Variants in ARHGAP42 observed in about 807,000 individuals in gnomAD.
ARHGAP42 encodes the protein rho GTPase-activating protein 42.
A neutral mutation model predicts 125.0 loss-of-function variants in ARHGAP42; 63 were observed. That is an observed-to-expected ratio of 0.50 (90% CI 0.41 to 0.62). The LOEUF is 0.62. ARHGAP42 is among the 20% of genes least tolerant of loss of function. The probability of loss-of-function intolerance (pLI) is 0.00; values close to 1 mark genes in which losing one functional copy is unlikely to be tolerated. For synonymous variants in ARHGAP42, 339 were observed against 351.0 expected (o/e 0.97, Z 0.38); for missense variants, 766 against 1,024.2 (o/e 0.75, Z 3.44).
intron 6 of ARHGAP42, among the ~76,000 whole-genome samples, chr11:100,923,680 G>A (rs1273959366): frequency 2.0e-5 from 3 of 152,042 alleles, no homozygotes; most frequent in Non-Finnish European, 2.9e-5. Context: ...TACCTTATCC[G>A]AAGCTATGAT....
intron 3 of ARHGAP42, among the ~76,000 whole-genome samples, chr11:100,818,380 A>G (rs554958332): frequency 8.5e-5 from 13 of 152,188 alleles, no homozygotes; most frequent in Non-Finnish European, 1.6e-4. Flanking sequence ...AACGTCAGTG[A>G]TGTAGGATGT....
chr11:100,917,410 CG>C (rs1389965941), intron 5 of ARHGAP42, among the ~76,000 whole-genome samples: 1 of 152,012 alleles, frequency 6.6e-6, no homozygotes, highest in African/African-American at 2.4e-5. Flanking sequence ...TTTGTTGTGC[CG>C]GACTGTCTTT....
intron 3 of ARHGAP42, chr11:100,859,352 T>A: frequency 4.6e-6 from 2 of 435,070 alleles, no homozygotes; most frequent in Non-Finnish European, 8.1e-6. Context: ...TTTTTCACAT[T>A]GTTGTTAGGA....
At chr11:100,987,900 C>T (rs1893256) in intron 23 of ARHGAP42, among the ~76,000 whole-genome samples, 35,663 of 152,016 alleles carry the variant, frequency 0.23, 4,713 homozygotes, top group Middle Eastern at 0.36. Context: ...GAGGCCAAGG[C>T]GGGCGGATCA....
intron 1 of ARHGAP42, among the ~76,000 whole-genome samples, chr11:100,758,725 A>G (rs75488532): frequency 0.014 from 2,089 of 152,306 alleles, 61 homozygotes; most frequent in African/African-American, 0.047. Flanking sequence ...CTCTACATGC[A>G]TGATTTCATT....
At chr11:100,874,935 ACT>A (rs1865775386) in intron 4 of ARHGAP42, among the ~76,000 whole-genome samples, 2 of 151,978 alleles carry the variant, frequency 1.3e-5, no homozygotes, top group South Asian at 2.1e-4. Context: ...GACTCAGATG[ACT>A]CTGTTCTCTT....
chr11:100,868,577 G>A (rs1865629113), intron 4 of ARHGAP42, among the ~76,000 whole-genome samples: 1 of 152,168 alleles, frequency 6.6e-6, no homozygotes, highest in Admixed American at 6.5e-5. Flanking sequence ...ACAGAAATGA[G>A]ATAAAACATA....
At chr11:100,715,866 T>C (rs1861651661) in intron 1 of ARHGAP42, among the ~76,000 whole-genome samples, 4 of 152,180 alleles carry the variant, frequency 2.6e-5, no homozygotes, top group Admixed American at 2.6e-4. Context: ...CGAAACATAA[T>C]ACAGATATGT....
chr11:100,942,520 A>C (rs190209956), intron 9 of ARHGAP42, among the ~76,000 whole-genome samples: 1 of 152,278 alleles, frequency 6.6e-6, no homozygotes, highest in East Asian at 1.9e-4. Context: ...GAATATGGCA[A>C]ATGATTGAAC....
chr11:100,856,542 A>G (rs1865326631), intron 3 of ARHGAP42, among the ~76,000 whole-genome samples: 1 of 152,096 alleles, frequency 6.6e-6, no homozygotes, highest in Non-Finnish European at 1.5e-5. Flanking sequence ...ATTTAAATTT[A>G]CATATTGTGA....
intron 3 of ARHGAP42, among the ~76,000 whole-genome samples, chr11:100,841,848 C>T (rs913897604): frequency 6.6e-6 from 1 of 152,130 alleles, no homozygotes; most frequent in Non-Finnish European, 1.5e-5. Context: ...TAATTCAGTG[C>T]CCCCTACTGC....
At chr11:100,937,009 G>A (rs1242081148) in intron 8 of ARHGAP42, among the ~76,000 whole-genome samples, 3 of 152,238 alleles carry the variant, frequency 2.0e-5, no homozygotes, top group Non-Finnish European at 2.9e-5. Context: ...TTTTGGTGAA[G>A]AAACAGTTGT....
At chr11:100,918,140 AT>A (rs5794079) in intron 5 of ARHGAP42, among the ~76,000 whole-genome samples, 119,519 of 151,924 alleles carry the variant, frequency 0.79, 47,463 homozygotes, top group East Asian at 1. Context: ...CACTCATTTT[AT>A]TTTTTTCTGC....
intron 3 of ARHGAP42, among the ~76,000 whole-genome samples, chr11:100,811,744 C>T (rs1864149442): frequency 6.6e-6 from 1 of 152,046 alleles, no homozygotes; most frequent in African/African-American, 2.4e-5. Context: ...AAGTGATCCG[C>T]CTGCCTCGGC....
At chr11:100,745,505 G>A (rs1394350526) in intron 1 of ARHGAP42, among the ~76,000 whole-genome samples, 1 of 152,186 alleles carries the variant, frequency 6.6e-6, no homozygotes, top group Non-Finnish European at 1.5e-5. Flanking sequence ...AGTAAGAATT[G>A]AGGCTGTTAT....
intron 3 of ARHGAP42, among the ~76,000 whole-genome samples, chr11:100,849,297 GC>G (rs1317529236): frequency 5.3e-5 from 8 of 152,092 alleles, no homozygotes; most frequent in Non-Finnish European, 1.2e-4. Context: ...GGTAAGAAAG[GC>G]TTTTGACAGC....
In ARHGAP42 at chr11:100,985,271, G is replaced by T. The variant is rs190652533; in HGVS notation, c.2457-2242G>T. On this transcript the variant is annotated intron_variant, in intron 22 of 23. Transcript: ENST00000298815. The stretch of plus-strand genomic sequence containing the variant: ...CAACTTCGGAGATTGTTTCCTTATC[G>T]ATCTCTTTATAATTTGTCTTAATGG... Among the ~76,000 whole-genome samples the T allele has an allele frequency of 6.6e-5, 10 of 152,112 alleles. No homozygotes were observed. The East Asian group carries it at 1.9e-3, about 29-fold the overall frequency.
At chr11:100,865,581 G>A (rs1865549692) in intron 4 of ARHGAP42, among the ~76,000 whole-genome samples, 1 of 152,116 alleles carries the variant, frequency 6.6e-6, no homozygotes, top group African/African-American at 2.4e-5. Context: ...AGCTTCCTTG[G>A]AGATAGATTT....
Position 100,989,842 on chromosome 11 carries a change from T to C in ARHGAP42, c.*1041T>C, listed in dbSNP as rs1858785899. Reference sequence around the variant, plus strand: ...TGTTTAAAAACGTTACAAGGGAAGCTATGCCTTCTGAAGTCTATCCTTAGT... The same window carrying C: ...TGTTTAAAAACGTTACAAGGGAAGCCATGCCTTCTGAAGTCTATCCTTAGT... On this transcript the variant is annotated 3_prime_UTR_variant, in exon 24 of 24. Coordinates refer to ENST00000298815, the MANE Select transcript of ARHGAP42 (RefSeq NM_152432.4). 1 of 152,202 alleles carries C rather than the reference T, an allele frequency of 6.6e-6. No individual in the cohort carries two copies. 9.4% of individuals were successfully genotyped at this position (152,202 alleles called of 1,614,324 possible). A position where few individuals can be genotyped will look rare whatever the true frequency, so the allele number is the denominator to read the frequency against.
Sources: gnomAD v4.1 joint callset for allele counts (sites outside exome capture counted in the v4.1 genomes callset) on GRCh38, gnomAD v4.1.1 for gene constraint, MANE v1.5 for transcripts, NCBI Gene and HGNC (gene_info 2026-07-23, HGNC 2026-07-21) for gene names.